The following COL6A1 variants were observed in gnomAD, a reference collection of about 807,000 sequenced individuals.
COL6A1 encodes the protein collagen alpha-1(VI) chain.
Under a neutral mutation model 145.6 loss-of-function variants are expected in COL6A1, and 80 were observed. The ratio of observed to expected loss-of-function variants is 0.55; its 90% CI spans 0.46 to 0.66. COL6A1 has a LOEUF of 0.66. COL6A1 is among the 30% of genes least tolerant of loss of function. The pLI is 0.00. For missense variants in COL6A1, 1,364 were observed against 1,473.8 expected (o/e 0.93, Z 1.22); for synonymous variants, 638 against 622.8 (o/e 1.02, Z -0.36).
chr21:45,989,338 C>T (rs1349006593), intron 9 of COL6A1, among the ~76,000 whole-genome samples: 1 of 152,224 alleles, frequency 6.6e-6, no homozygotes, highest in Admixed American at 6.5e-5. Flanking sequence ...AGCCCCCCTG[C>T]CAGGGAGGGG....
At chr21:45,986,819 G>C (rs1207677462) in intron 4 of COL6A1, 125 bp from the exon 5 acceptor site, 1 of 1,520,256 alleles carries the variant, frequency 6.6e-7, no homozygotes. Context: ...GCCCCTGAGA[G>C]GCCAGCCCCT....
intron 8 of COL6A1, 118 bp from the exon 9 acceptor site, chr21:45,988,966 C>A: frequency 8.2e-7 from 1 of 1,219,764 alleles, no homozygotes; most frequent in Non-Finnish European, 1.2e-6. Context: ...GGGGAAGGTG[C>A]TTTAAAGCCC....
Position 45,990,297 on chromosome 21 carries a change from T to C in COL6A1, c.957+13T>C. The C allele has an allele frequency of 6.2e-7, 1 of 1,612,810 alleles. No individual in the cohort carries two copies. Among genetic ancestry groups the C allele is most frequent in the Non-Finnish European group, 8.5e-7 (1 of 1,179,970 alleles). On this transcript the variant is annotated intron_variant, in intron 12 of 34. Coordinates refer to ENST00000361866, the MANE Select transcript of COL6A1 (RefSeq NM_001848.3). The stretch of plus-strand genomic sequence containing the variant: ...CAAGGGCTACAAGGTGAGCGTGGGC[T>C]GCTGGGAGGGGGGAGTTCTGCCCCC...
intron 34 of COL6A1, 96 bp downstream of exon 34, chr21:46,003,245 G>A: frequency 6.2e-7 from 1 of 1,606,618 alleles, no homozygotes; most frequent in Non-Finnish European, 8.5e-7. Context: ...GGGCCTGGCG[G>A]TCACGAGAGT....
chr21:45,990,212 C>CG, intron 11 of COL6A1, 46 bp from the exon 12 acceptor site: 1 of 1,610,844 alleles, frequency 6.2e-7, no homozygotes, highest in Non-Finnish European at 8.5e-7. Flanking sequence ...TTGCCCTGCC[C>CG]TCCCCACCCC....
chr21:45,991,185 A>C, intron 15 of COL6A1, 144 bp downstream of exon 15: 4 of 890,130 alleles, frequency 4.5e-6, no homozygotes, highest in Non-Finnish European at 7.3e-6. Context: ...TGGAGGCTGG[A>C]GGCAGGCAGA....
Position 45,981,858 on chromosome 21 carries a change from C to T in COL6A1, c.8C>T (p.Ala3Val), listed in dbSNP as rs1364376797. The T allele has an allele frequency of 2.5e-6, 4 of 1,587,120 alleles. No homozygotes were observed. Among genetic ancestry groups the T allele is most frequent in the Non-Finnish European group, 3.4e-6 (4 of 1,169,222 alleles). The stretch of plus-strand genomic sequence containing the variant: ...TGACCGCAGGCCCCAGACATGAGGG[C>T]GGCCCGTGCTCTGCTGCCCCTGCTG... The part of the protein sequence containing the change: MR[A>V]ARALLPLLLQ... The change falls in exon 1 of 35, where the codon GCG becomes GTG. Residue 3 changes from alanine to valine, a missense_variant. Physicochemically the swap from Ala to Val is moderately conservative, Grantham distance 64. This residue lies in a region of COL6A1 where 414 missense variants were observed against 437.6 expected (regional missense o/e 0.95). Coordinates refer to ENST00000361866, the MANE Select transcript of COL6A1 (RefSeq NM_001848.3).
chr21:45,996,953 C>A (rs1157384350), intron 20 of COL6A1, among the ~76,000 whole-genome samples: 1 of 152,174 alleles, frequency 6.6e-6, no homozygotes, highest in African/African-American at 2.4e-5. Flanking sequence ...GGGACCAGGC[C>A]AGGCCCAAAG....
rs540819892 is a variant in COL6A1 at position 45,986,647 on chromosome 21, G to A, written c.550G>A (p.Val184Ile). ...TGTGAACGAGGCCAAGCACCTGGGCGTCAAAGTCTTCTCGGTGGCCATCAC... is the reference window on the plus strand; with the variant it reads ...TGTGAACGAGGCCAAGCACCTGGGCATCAAAGTCTTCTCGGTGGCCATCAC... ...DAVNEAKHLG[V>I]KVFSVAITPD... The change falls in exon 4 of 35, where the codon GTC (valine) becomes ATC (isoleucine). Residue 184 changes from valine to isoleucine, a missense_variant. Transcript: ENST00000361866. 14 of 1,551,648 alleles carry A rather than the reference G, an allele frequency of 9.0e-6. No homozygotes were observed. Among genetic ancestry groups the A allele is most frequent in the Admixed American group, 1.9e-5 (1 of 51,448 alleles).
In COL6A1 at chr21:45,990,762, C is replaced by T. The variant is rs376455472; in HGVS notation, c.1003-11C>T. The stretch of plus-strand genomic sequence containing the variant: ...GGCCGTCAGATTTTCTAGTTTTCTT[C>T]CTCTTTCCAGGGGGAGATGGGGTAC... On this transcript the variant is annotated splice_polypyrimidine_tract_variant and intron_variant, in intron 13 of 34. Transcript: ENST00000361866. The T allele has an allele frequency of 2.2e-5, 36 of 1,613,210 alleles. 1 individual carries two copies. In the African/African-American group the frequency reaches 3.2e-4, roughly 14 times the overall value.
chr21:45,985,012 A>G (rs1324218251), intron 3 of COL6A1, among the ~76,000 whole-genome samples: 4 of 152,072 alleles, frequency 2.6e-5, no homozygotes, highest in Non-Finnish European at 5.9e-5. Flanking sequence ...ACAGATAGAA[A>G]AAGACAGAGG....
At position 46,001,351 on chromosome 21, in the gene COL6A1, G is replaced by A. The variant is rs2077843916; in HGVS notation, c.1921G>A (p.Val641Ile). ...FEIAKDFVVK[V>I]IDRLSRDELV... ...GATTGCCAAGGACTTCGTCGTCAAG[G>A]TCATCGACCGGCTGAGCCGGGACGA... is the stretch of plus-strand genomic sequence containing the variant. The change falls in exon 30 of 35, where the codon GTC becomes ATC. Residue 641 changes from valine to isoleucine, a missense_variant. Val to Ile is a conservative substitution (Grantham distance 29). Around this residue, in one of 3 missense-constraint regions of COL6A1, gnomAD observed 938 missense variants for 1,003.8 expected, o/e 0.93. Transcript: ENST00000361866. 1.9e-6 allele frequency: 3 copies of A among 1,612,490 alleles called. No homozygotes were observed. The highest frequency in any genetic ancestry group is 2.7e-5 in the African/African-American group (2 of 74,920).
At chr21:45,990,162 G>A in intron 11 of COL6A1, 96 bp from the exon 12 acceptor site, 1 of 1,468,982 alleles carries the variant, frequency 6.8e-7, no homozygotes, top group Non-Finnish European at 9.5e-7. Flanking sequence ...CTCGGGTTGG[G>A]GGCACCCAAG....
chr21:46,003,073 A>G (rs1603594766), intron 33 of COL6A1, 47 bp from the exon 34 acceptor site: 1 of 1,613,864 alleles, frequency 6.2e-7, no homozygotes, highest in Non-Finnish European at 8.5e-7. Context: ...TTGCGGGGTT[A>G]TAGGTGGAGC....
chr21:45,982,083 G>C (rs1174724074), intron 1 of COL6A1, 136 bp downstream of exon 1: 1 of 765,780 alleles, frequency 1.3e-6, no homozygotes, highest in Non-Finnish European at 2.2e-6. Context: ...CTCCCCGCTC[G>C]GGGCGGCTGC....
At chr21:45,982,562 G>A (rs2077714092) in intron 1 of COL6A1, 72 bp from the exon 2 acceptor site, 1 of 1,606,384 alleles carries the variant, frequency 6.2e-7, no homozygotes, top group South Asian at 1.1e-5. Context: ...GGCTGGCCGG[G>A]AGGGCAGGCC....
rs754120174 is a variant in COL6A1, at chr21:45,999,208, A to C, written c.1730A>C (p.Glu577Ala). ...GGAGCAAAGGGGTACCGGGGTCCCGAGGGCCCCCAGGTGGGTGGATGTGGC... is the reference window on the plus strand; with the variant it reads ...GGAGCAAAGGGGTACCGGGGTCCCGCGGGCCCCCAGGTGGGTGGATGTGGC... ...VKGAKGYRGP[E>A]GPQGPPGHQG... is the part of the protein sequence containing the mutation. The change falls in exon 26 of 35, where the codon GAG (glutamate) becomes GCG (alanine). Residue 577 changes from glutamate (E) to alanine (A), a missense_variant. Physicochemically the swap from Glu to Ala is moderately radical, Grantham distance 107. Transcript: ENST00000361866. 1.1e-5 allele frequency: 17 copies of C among 1,598,424 alleles called. No homozygotes were observed. The East Asian group carries it at 3.6e-4, about 34-fold the overall frequency.
At chr21:45,982,493 C>T in intron 1 of COL6A1, 141 bp from the exon 2 acceptor site, 1 of 1,223,006 alleles carries the variant, frequency 8.2e-7, no homozygotes, top group South Asian at 1.3e-5. Context: ...CGAGGGACGT[C>T]CTGCTGCCTT....
At chr21:45,982,377 C>A (rs943681988) in intron 1 of COL6A1, among the ~76,000 whole-genome samples, 1 of 151,856 alleles carries the variant, frequency 6.6e-6, no homozygotes, top group Admixed American at 6.6e-5. Context: ...GGTCCCGTGC[C>A]GGGGACGCCC....
Sources: gnomAD v4.1 joint callset for allele counts (sites outside exome capture counted in the v4.1 genomes callset) on GRCh38, gnomAD v4.1.1 for gene constraint, gnomAD v4.1.1 regional missense constraint, MANE v1.5 for transcripts, NCBI Gene and HGNC (gene_info 2026-07-23, HGNC 2026-07-21) for gene names.